PACSIN2: variants seen among roughly 807,000 people sequenced by gnomAD.
PACSIN2 encodes the protein protein kinase C and casein kinase substrate in neurons protein 2.
PACSIN2 carries 25 observed loss-of-function variants against 63.8 expected under a neutral mutation model. The ratio of observed to expected loss-of-function variants is 0.39; its 90% confidence interval spans 0.29 to 0.55. The LOEUF (loss-of-function observed/expected upper bound fraction) is 0.55. Ranked by LOEUF, PACSIN2 falls within the 20% of genes least tolerant of loss-of-function variation. The pLI is 0.62. For missense variants in PACSIN2, 518 were observed against 646.9 expected (o/e 0.80, Z 2.16); for synonymous variants, 255 against 256.2 (o/e 1.00, Z 0.05).
intron 8 of PACSIN2, among the ~76,000 whole-genome samples, chr22:42,878,295 G>C (rs1928802179): frequency 6.6e-6 from 1 of 152,240 alleles, no homozygotes; most frequent in African/African-American, 2.4e-5. Context: ...GCAGCGGAAT[G>C]ACGACAGCCA....
Position 42,876,449 on chromosome 22 carries a change from C to T in PACSIN2, c.1152-116G>A, listed in dbSNP as rs113816881. 62 of 789,650 alleles carry T rather than the reference C, an allele frequency of 7.9e-5. No homozygotes were observed. In the Admixed American group the frequency reaches 1.2e-3, roughly 15 times the overall value. The allele number at this position is 789,650 out of a possible 1,614,324, so 48.9% of individuals were successfully genotyped here. The stretch of plus-strand genomic sequence containing the variant: ...GGGGCTCAGGGCTGAGGGCTCCTTC[C>T]GAAGGAGCACAGGTGGAGCCAGTGC... On this transcript the variant is annotated intron_variant, in intron 9 of 10. Coordinates refer to ENST00000263246, the MANE Select transcript of PACSIN2 (RefSeq NM_001184970.3).
chr22:42,883,105 T>C (rs1267752234), intron 6 of PACSIN2, among the ~76,000 whole-genome samples: 1 of 152,132 alleles, frequency 6.6e-6, no homozygotes, highest in Non-Finnish European at 1.5e-5. Flanking sequence ...GACTGGTGCC[T>C]GTATTAAAAG....
At chr22:43,002,043 C>A (rs2256040) in intron 1 of PACSIN2, among the ~76,000 whole-genome samples, 87,514 of 151,958 alleles carry the variant, frequency 0.58, 25,631 homozygotes, top group East Asian at 0.81. Context: ...ACAAGTTCCA[C>A]AGCAGACCAG....
At chr22:42,924,555 G>A (rs1371082063) in intron 1 of PACSIN2, among the ~76,000 whole-genome samples, 1 of 151,920 alleles carries the variant, frequency 6.6e-6, no homozygotes, top group East Asian at 1.9e-4. Flanking sequence ...GCCCGCATCT[G>A]CTCACCTCCA....
At chr22:42,954,439 C>T (rs549927482) in intron 1 of PACSIN2, among the ~76,000 whole-genome samples, 1 of 152,132 alleles carries the variant, frequency 6.6e-6, no homozygotes, top group Admixed American at 6.5e-5. Flanking sequence ...CTCTGTCATT[C>T]AGGCTGAGTG....
rs139155473 is a variant in PACSIN2 at position 42,909,546 on chromosome 22, C to A, written c.60+2475G>T. On this transcript the variant is annotated intron_variant, in intron 2 of 10. Transcript: ENST00000263246. ...TCATGGAGAAGGCGGACGACCACAG[C>A]ACTGCGGAGTTGATACCAGCTGGAG... The A allele has an allele frequency of 6.8e-4, 322 of 471,184 alleles. 7 individuals carry two copies. The East Asian group carries it at 0.021, about 31-fold the overall frequency. The allele number at this position is 471,184 out of a possible 1,614,324, so 29.2% of individuals were successfully genotyped here. A position where few individuals can be genotyped will look rare whatever the true frequency, so the allele number is the denominator to read the frequency against.
Position 42,902,988 on chromosome 22 carries a change from G to A in PACSIN2, c.60+9033C>T, listed in dbSNP as rs142192403. Among the ~76,000 whole-genome samples the A allele has an allele frequency of 4.9e-3, 745 of 152,302 alleles. 8 individuals are homozygous for A. The highest frequency in any genetic ancestry group is 0.017 in the African/African-American group (721 of 41,562). ...GCTAAAAGGAATCAACTCTTAGCAC[G>A]TCATCAGCCAGTAACTTCATGGCCG... On this transcript the variant is annotated intron_variant, in intron 2 of 10. Transcript: ENST00000263246.
chr22:42,919,648 C>T (rs1569271052), intron 1 of PACSIN2, among the ~76,000 whole-genome samples: 1 of 151,802 alleles, frequency 6.6e-6, no homozygotes, highest in Non-Finnish European at 1.5e-5. Context: ...TAGCATGCGC[C>T]TGTAATCTCA....
intron 5 of PACSIN2, among the ~76,000 whole-genome samples, chr22:42,885,722 C>T (rs1038015399): frequency 6.6e-6 from 1 of 152,254 alleles, no homozygotes; most frequent in African/African-American, 2.4e-5. Flanking sequence ...AGGTTCCACC[C>T]CGCCCTCTAG....
chr22:42,884,587 A>G, intron 5 of PACSIN2, 26 bp from the exon 6 acceptor site: 1 of 1,603,300 alleles, frequency 6.2e-7, no homozygotes, highest in Non-Finnish European at 8.5e-7. Flanking sequence ...GGCACAAGAC[A>G]GAGGTTCATT....
intron 1 of PACSIN2, among the ~76,000 whole-genome samples, chr22:43,003,731 A>T (rs1160196462): frequency 6.6e-6 from 1 of 152,250 alleles, no homozygotes; most frequent in Non-Finnish European, 1.5e-5. Context: ...CTACAGAAAC[A>T]CAATTTCTTC....
At chr22:42,987,665 G>A (rs1201641693) in intron 1 of PACSIN2, among the ~76,000 whole-genome samples, 1 of 150,640 alleles carries the variant, frequency 6.6e-6, no homozygotes, top group African/African-American at 2.4e-5. Context: ...CCAAGTAGCT[G>A]GGACTACAGG....
chr22:42,899,230 A>G (rs1380730946), intron 2 of PACSIN2, among the ~76,000 whole-genome samples: 1 of 152,214 alleles, frequency 6.6e-6, no homozygotes, highest in Non-Finnish European at 1.5e-5. Context: ...ACATGACCAG[A>G]AGAAAATGAA....
chr22:42,999,276 C>T (rs1246532429), intron 1 of PACSIN2, among the ~76,000 whole-genome samples: 3 of 152,218 alleles, frequency 2.0e-5, no homozygotes, highest in Non-Finnish European at 2.9e-5. Context: ...AGCCACACCC[C>T]TGTCCCAAGT....
chr22:42,998,965 A>G (rs1923587671), intron 1 of PACSIN2, among the ~76,000 whole-genome samples: 1 of 152,146 alleles, frequency 6.6e-6, no homozygotes, highest in African/African-American at 2.4e-5. Context: ...TCCCATCTCC[A>G]GCTCCCCATC....
In PACSIN2 at chr22:42,984,106, G is replaced by A. The variant is rs572896659; in HGVS notation, c.-78+30915C>T. Among the ~76,000 whole-genome samples, 5 of 151,904 alleles carry A rather than the reference G, an allele frequency of 3.3e-5. No homozygotes were observed. The East Asian group carries it at 9.7e-4, about 30-fold the overall frequency. ...CCACTTCAGCCTCCTGAGCAGCTGG[G>A]ATCATAGGTGTGCACCACCACATCT... On this transcript the variant is annotated intron_variant, in intron 1 of 10. Transcript: ENST00000263246.
chr22:42,898,207 T>C (rs1930421850), intron 2 of PACSIN2, among the ~76,000 whole-genome samples: 1 of 151,908 alleles, frequency 6.6e-6, no homozygotes. Flanking sequence ...CCAGACAGGT[T>C]TCTCTGCATA....
chr22:42,968,581 C>T (rs1020532286), intron 1 of PACSIN2, among the ~76,000 whole-genome samples: 2 of 152,114 alleles, frequency 1.3e-5, no homozygotes, highest in African/African-American at 4.8e-5. Context: ...ACCTAGAAAC[C>T]TAGTAAAGCC....
chr22:42,953,299 G>GA (rs749907108), intron 1 of PACSIN2, among the ~76,000 whole-genome samples: 43 of 147,716 alleles, frequency 2.9e-4, no homozygotes, highest in East Asian at 5.9e-4. Flanking sequence ...AACTAAGAGT[G>GA]AAAAAAAAAT....
Sources: gnomAD v4.1 joint callset for allele counts (sites outside exome capture counted in the v4.1 genomes callset) on GRCh38, gnomAD v4.1.1 for gene constraint, MANE v1.5 for transcripts, NCBI Gene and HGNC (gene_info 2026-07-23, HGNC 2026-07-21) for gene names.